The following SEC16B variants were observed in gnomAD, a reference collection of about 807,000 sequenced individuals.
SEC16B encodes the protein SEC16 homolog B, endoplasmic reticulum export factor.
Under a neutral mutation model 141.8 loss-of-function variants are expected in SEC16B, and 115 were observed. The ratio of observed to expected loss-of-function variants is 0.81; its 90% CI spans 0.70 to 0.95. The LOEUF (loss-of-function observed/expected upper bound fraction) is 0.95, where lower values mean the gene tolerates loss of function less well. Among genes scored for constraint, SEC16B ranks in the 40% least tolerant of loss-of-function variants. The pLI is 0.00. For missense variants in SEC16B, 1,291 were observed against 1,312.3 expected (o/e 0.98, Z 0.25); for synonymous variants, 493 against 492.5 (o/e 1.00, Z -0.01).
At chr1:177,934,106 T>A (rs1450176718) in intron 20 of SEC16B, among the ~76,000 whole-genome samples, 1 of 151,178 alleles carries the variant, frequency 6.6e-6, no homozygotes, top group African/African-American at 2.4e-5. Context: ...CAAAGGGGGG[T>A]AAAATACACC....
At chr1:177,964,398 G>A (rs901858044) in intron 4 of SEC16B, 119 bp from the exon 5 acceptor site, 9 of 610,896 alleles carry the variant, frequency 1.5e-5, no homozygotes, top group African/African-American at 9.5e-5. Context: ...CAGCCTGGGT[G>A]CCATAGGAGA....
rs1652869798 is a variant in SEC16B at position 177,959,110 on chromosome 1, G to T, written c.999-135C>A. On this transcript the variant is annotated intron_variant, in intron 8 of 25. Coordinates refer to ENST00000308284, the MANE Select transcript of SEC16B (RefSeq NM_033127.4). ...AGAAATCTGACAAGCCAGGGCTAAGGTAATGAGTCTATAGCTATAGGATAG... is the reference window on the plus strand; with the variant it reads ...AGAAATCTGACAAGCCAGGGCTAAGTTAATGAGTCTATAGCTATAGGATAG... 4.5e-6 allele frequency: 4 copies of T among 890,646 alleles called. No individual in the cohort carries two copies. In the East Asian group the frequency reaches 7.9e-5, roughly 18 times the overall value. The allele number at this position is 890,646 out of a possible 1,614,324, so 55.2% of individuals were successfully genotyped here. A position where few individuals can be genotyped will look rare whatever the true frequency, so the allele number is the denominator to read the frequency against.
intron 20 of SEC16B, 74 bp downstream of exon 20, chr1:177,936,224 G>A: frequency 8.0e-7 from 1 of 1,249,934 alleles, no homozygotes; most frequent in Non-Finnish European, 1.1e-6. Context: ...CATGTGGCTG[G>A]GAAACCAAGG....
At chr1:177,955,838 A>G (rs1340260945) in intron 10 of SEC16B, among the ~76,000 whole-genome samples, 1 of 152,248 alleles carries the variant, frequency 6.6e-6, no homozygotes, top group Non-Finnish European at 1.5e-5. Flanking sequence ...TTTATCTTAC[A>G]TATATTCTCT....
In SEC16B at chr1:177,966,025, A is replaced by T. The variant is rs1403508761; in HGVS notation, c.300-20T>A. The stretch of plus-strand genomic sequence containing the variant: ...CCTGGCCTAAAATATCACAAAGAAG[A>T]CTGGTCAGTTGAGGACAAGGGTAGT... On this transcript the variant is annotated intron_variant, in intron 2 of 25. Coordinates refer to ENST00000308284, the MANE Select transcript of SEC16B (RefSeq NM_033127.4). The T allele has an allele frequency of 1.4e-6, 2 of 1,458,726 alleles. No individual in the cohort carries two copies. Among genetic ancestry groups the T allele is most frequent in the East Asian group, 4.7e-5 (2 of 42,300 alleles). 90.4% of individuals were successfully genotyped at this position (1,458,726 alleles called of 1,614,324 possible). A position where few individuals can be genotyped will look rare whatever the true frequency, so the allele number is the denominator to read the frequency against.
chr1:177,964,779 C>T lies in SEC16B; in HGVS notation c.533+268G>A, dbSNP rs77247233. On this transcript the variant is annotated intron_variant, in intron 4 of 25. Coordinates refer to ENST00000308284, the MANE Select transcript of SEC16B (RefSeq NM_033127.4). ...CTAAGGCCAACACAGAATTAAAGTC[C>T]TCTTTTAGGACAGACCTCAAGGAAC... Among the ~76,000 whole-genome samples the T allele has an allele frequency of 3.9e-5, 6 of 152,308 alleles. No homozygotes were observed. The East Asian group carries it at 1.2e-3, about 29-fold the overall frequency.
intron 1 of SEC16B, among the ~76,000 whole-genome samples, chr1:177,980,114 T>C (rs1654344876): frequency 6.6e-6 from 1 of 152,226 alleles, no homozygotes; most frequent in Admixed American, 6.5e-5. Flanking sequence ...ATGTAGTTTC[T>C]GTACGAGCTT....
At chr1:177,948,575 G>C (rs1651920010) in intron 12 of SEC16B, 1 of 1,304,094 alleles carries the variant, frequency 7.7e-7, no homozygotes, top group African/African-American at 1.5e-5. Flanking sequence ...TAAGCAGCGT[G>C]GTGGAAATGT....
chr1:177,971,196 C>G (rs1653931008), upstream of SEC16B, among the ~76,000 whole-genome samples: 3 of 152,074 alleles, frequency 2.0e-5, no homozygotes, highest in Admixed American at 2.0e-4. Context: ...ATTCTCCTGC[C>G]TCAGCCTCCC....
At chr1:177,933,048 GC>G (rs1650565640) in intron 22 of SEC16B, among the ~76,000 whole-genome samples, 165 bp downstream of exon 22, 1 of 151,978 alleles carries the variant, frequency 6.6e-6, no homozygotes, top group Non-Finnish European at 1.5e-5. Flanking sequence ...ATCTGCCTTT[GC>G]CCTCACAGGA....
intron 13 of SEC16B, among the ~76,000 whole-genome samples, chr1:177,947,163 G>GCA (rs1351670799): frequency 2.6e-5 from 4 of 152,122 alleles, no homozygotes; most frequent in Admixed American, 6.5e-5. Context: ...GTTTAACAGA[G>GCA]CAATATTTTA....
upstream of SEC16B, among the ~76,000 whole-genome samples, chr1:177,974,267 G>A (rs1401287749): frequency 6.6e-6 from 1 of 152,172 alleles, no homozygotes; most frequent in East Asian, 1.9e-4. Context: ...ACTGTAATGA[G>A]CTCAAGAGAA....
At chr1:177,952,678 G>A (rs1652288063) in intron 11 of SEC16B, among the ~76,000 whole-genome samples, 1 of 152,158 alleles carries the variant, frequency 6.6e-6, no homozygotes, top group Non-Finnish European at 1.5e-5. Context: ...ATGGCCCAAG[G>A]CAAAAATCTG....
chr1:177,979,152 A>G (rs1393500929), intron 1 of SEC16B, among the ~76,000 whole-genome samples: 1 of 152,208 alleles, frequency 6.6e-6, no homozygotes, highest in Non-Finnish European at 1.5e-5. Flanking sequence ...GTAATATAGT[A>G]ATATATTTAA....
chr1:177,973,524 GTTA>G (rs1382179985), upstream of SEC16B, among the ~76,000 whole-genome samples: 1 of 152,140 alleles, frequency 6.6e-6, no homozygotes, highest in Non-Finnish European at 1.5e-5. Flanking sequence ...CATCAAATGT[GTTA>G]TTGTCACATC....
chr1:177,950,577 A>C (rs1652108983), intron 12 of SEC16B, among the ~76,000 whole-genome samples: 1 of 152,200 alleles, frequency 6.6e-6, no homozygotes, highest in Non-Finnish European at 1.5e-5. Context: ...TAGAGAGGAG[A>C]GAGAACATTC....
chr1:177,934,453 C>T (rs866828993), intron 20 of SEC16B, among the ~76,000 whole-genome samples: 4 of 152,134 alleles, frequency 2.6e-5, no homozygotes, highest in African/African-American at 4.8e-5. Context: ...TTGATACAAA[C>T]CTTTGGAAAT....
chr1:177,983,740 T>C (rs1427368884), intron 1 of SEC16B, among the ~76,000 whole-genome samples: 2 of 152,176 alleles, frequency 1.3e-5, no homozygotes, highest in Non-Finnish European at 2.9e-5. Flanking sequence ...GTTTCCACAC[T>C]GCCTCTAAGT....
intron 12 of SEC16B, among the ~76,000 whole-genome samples, chr1:177,951,240 T>C (rs1652171866): frequency 1.3e-5 from 2 of 152,046 alleles, no homozygotes; most frequent in South Asian, 2.1e-4. Context: ...CATATGAATG[T>C]ACATATTAAA....
Sources: gnomAD v4.1 joint callset for allele counts (sites outside exome capture counted in the v4.1 genomes callset) on GRCh38, gnomAD v4.1.1 for gene constraint, MANE v1.5 for transcripts, NCBI Gene and HGNC (gene_info 2026-07-23, HGNC 2026-07-21) for gene names.